Variants in MMP16 observed in about 807,000 individuals in gnomAD.
The protein encoded by MMP16 is matrix metallopeptidase 16.
A neutral mutation model predicts 67.8 loss-of-function variants in MMP16; 12 were observed. The observed-to-expected ratio is 0.18, with a 90% CI of 0.11 to 0.29. The LOEUF is 0.29. Ranked by LOEUF, MMP16 falls within the 10% of genes least tolerant of loss-of-function variation. MMP16 has a pLI of 1.00. For missense variants in MMP16, 475 were observed against 765.7 expected (o/e 0.62, Z 4.48); for synonymous variants, 249 against 255.9 (o/e 0.97, Z 0.26).
chr8:88,100,399 GAGAAA>G (rs1809120134), intron 6 of MMP16, among the ~76,000 whole-genome samples: 1 of 151,990 alleles, frequency 6.6e-6, no homozygotes. Context: ...CTGGTCATCA[GAGAAA>G]TGCAAATCAA....
chr8:88,188,223 A>G (rs1809103885), intron 2 of MMP16, among the ~76,000 whole-genome samples: 1 of 152,222 alleles, frequency 6.6e-6, no homozygotes, highest in African/African-American at 2.4e-5. Flanking sequence ...TAACAATTGT[A>G]TTAATGGTGT....
intron 1 of MMP16, among the ~76,000 whole-genome samples, chr8:88,205,016 T>G (rs952664807): frequency 6.6e-6 from 1 of 152,188 alleles, no homozygotes; most frequent in Admixed American, 6.5e-5. Context: ...TTTGGTCACA[T>G]TGAACTTCCA....
At chr8:88,075,985 G>A (rs1162275844) in intron 6 of MMP16, among the ~76,000 whole-genome samples, 5 of 92,932 alleles carry the variant, frequency 5.4e-5, no homozygotes, top group Non-Finnish European at 1.2e-4. Context: ...AAAATCTACT[G>A]AGGATTCTTG....
intron 1 of MMP16, among the ~76,000 whole-genome samples, chr8:88,282,291 C>T (rs922012522): frequency 2.6e-5 from 4 of 152,022 alleles, no homozygotes; most frequent in African/African-American, 7.2e-5. Context: ...GTCAAGCTGG[C>T]CTCGAACTCC....
intron 4 of MMP16, among the ~76,000 whole-genome samples, chr8:88,129,039 T>C (rs1012798482): frequency 1.3e-5 from 2 of 151,712 alleles, no homozygotes; most frequent in Non-Finnish European, 1.5e-5. Flanking sequence ...AGAAATCAAG[T>C]GAAAAGATGT....
chr8:88,187,056 T>C (rs1052607558), intron 2 of MMP16, among the ~76,000 whole-genome samples: 4 of 152,240 alleles, frequency 2.6e-5, no homozygotes, highest in African/African-American at 9.6e-5. Context: ...GGGTATATGC[T>C]ACTCTGTTCT....
intron 1 of MMP16, among the ~76,000 whole-genome samples, chr8:88,263,061 T>C (rs566936074): frequency 1.4e-4 from 10 of 70,702 alleles, no homozygotes; most frequent in Non-Finnish European, 2.7e-4. Context: ...ATAAAAAAAG[T>C]TTTTTTTAAT....
chr8:88,244,918 T>C (rs1166874392), intron 1 of MMP16, among the ~76,000 whole-genome samples: 1 of 152,204 alleles, frequency 6.6e-6, no homozygotes, highest in Non-Finnish European at 1.5e-5. Context: ...CAATAAATTT[T>C]GGGTCAAACC....
chr8:88,072,482 A>G (rs1471702575), intron 7 of MMP16, among the ~76,000 whole-genome samples: 2 of 152,164 alleles, frequency 1.3e-5, no homozygotes, highest in Admixed American at 6.5e-5. Flanking sequence ...GAGTTGCCAC[A>G]GCAGGGTCCT....
chr8:88,164,102 T>G (rs913303497), intron 4 of MMP16, among the ~76,000 whole-genome samples: 2 of 152,082 alleles, frequency 1.3e-5, no homozygotes, highest in Non-Finnish European at 2.9e-5. Flanking sequence ...TTTATCTCTT[T>G]TAAGGTAGAT....
At chr8:88,144,690 A>T (rs570694816) in intron 4 of MMP16, among the ~76,000 whole-genome samples, 21 of 152,096 alleles carry the variant, frequency 1.4e-4, no homozygotes, top group African/African-American at 4.8e-4. Context: ...CTTCTTCAAT[A>T]CTATACTATA....
At chr8:88,095,711 T>C (rs972903953) in intron 6 of MMP16, among the ~76,000 whole-genome samples, 2 of 151,944 alleles carry the variant, frequency 1.3e-5, no homozygotes, top group Non-Finnish European at 2.9e-5. Context: ...GATTATCTAA[T>C]GAGCCTTTGA....
chr8:88,122,897 C>G (rs1445177162), intron 4 of MMP16, among the ~76,000 whole-genome samples: 1 of 151,524 alleles, frequency 6.6e-6, no homozygotes, highest in Non-Finnish European at 1.5e-5. Flanking sequence ...CTCTCTCTCT[C>G]TCTCCCCTCC....
At chr8:88,314,258 A>G (rs576765589) in intron 1 of MMP16, among the ~76,000 whole-genome samples, 1 of 152,240 alleles carries the variant, frequency 6.6e-6, no homozygotes, top group East Asian at 1.9e-4. Context: ...TATCTTCCAT[A>G]TGTCAACTTT....
chr8:88,089,091 T>C (rs2118337665), intron 6 of MMP16, among the ~76,000 whole-genome samples: 1 of 152,072 alleles, frequency 6.6e-6, no homozygotes. Context: ...ATTTGAAACT[T>C]TGTGAATGTA....
chr8:88,099,548 A>G (rs2118372243), intron 6 of MMP16, among the ~76,000 whole-genome samples: 1 of 151,974 alleles, frequency 6.6e-6, no homozygotes, highest in Non-Finnish European at 1.5e-5. Flanking sequence ...GATGGGTAGC[A>G]CAACTATTAT....
At chr8:88,219,265 T>A (rs1809640875) in intron 1 of MMP16, among the ~76,000 whole-genome samples, 1 of 151,902 alleles carries the variant, frequency 6.6e-6, no homozygotes, top group South Asian at 2.1e-4. Context: ...GCATCGCACA[T>A]CAGGCAAATC....
intron 4 of MMP16, among the ~76,000 whole-genome samples, chr8:88,149,226 G>A (rs1158374218): frequency 2.6e-5 from 4 of 152,152 alleles, no homozygotes; most frequent in South Asian, 4.1e-4. Flanking sequence ...ACGGAATCTC[G>A]CTGATTGCTA....
intron 1 of MMP16, among the ~76,000 whole-genome samples, chr8:88,223,107 G>C (rs1486223709): frequency 6.6e-6 from 1 of 152,096 alleles, no homozygotes; most frequent in Non-Finnish European, 1.5e-5. Flanking sequence ...CATCATCACT[G>C]GTCATCAGAG....
Sources: gnomAD v4.1 joint callset for allele counts (sites outside exome capture counted in the v4.1 genomes callset) on GRCh38, gnomAD v4.1.1 for gene constraint, MANE v1.5 for transcripts, NCBI Gene and HGNC (gene_info 2026-07-23, HGNC 2026-07-21) for gene names.